The following TTN variants were observed in gnomAD, a reference collection of about 807,000 sequenced individuals.
TTN encodes connectin.
In TTN, 1,525 loss-of-function variants were observed where a neutral mutation model predicts 3,223.0. That is an observed-to-expected ratio of 0.47 (90% CI 0.45 to 0.49). TTN has a LOEUF of 0.49. Ranked by LOEUF, TTN falls within the 20% of genes least tolerant of loss-of-function variation. The pLI is 0.00. For synonymous variants in TTN, 14,094 were observed against 15,161.0 expected (o/e 0.93, Z 5.17); for missense variants, 40,786 against 43,424.0 (o/e 0.94, Z 5.40).
chr2:178,641,476 T>C, intron 219 of TTN, 161 bp from the exon 220 acceptor site: 1 of 458,774 alleles, frequency 2.2e-6, no homozygotes. Flanking sequence ...GTTTTTTGTT[T>C]TGTTTTTTTT....
At position 178,807,382 on chromosome 2, in the gene TTN, A is replaced by G. The variant is rs2094357426; in HGVS notation, c.-184T>C. 6.6e-6 allele frequency: 1 copy of G among 152,054 alleles called. No individual in the cohort carries two copies. Among genetic ancestry groups the G allele is most frequent in the Admixed American group, 6.6e-5 (1 of 15,266 alleles). The allele number at this position is 152,054 out of a possible 1,614,324, so 9.4% of individuals were successfully genotyped here. On this transcript the variant is annotated 5_prime_UTR_variant, in exon 1 of 363. Coordinates refer to ENST00000589042, the MANE Select transcript of TTN (RefSeq NM_001267550.2). ...ACTGTGTAGTTTTGCTTTTCTATGCAATCCCTACACCCGAGGCGAGGCTGG... is the reference window on the plus strand; with the variant it reads ...ACTGTGTAGTTTTGCTTTTCTATGCGATCCCTACACCCGAGGCGAGGCTGG...
In TTN at chr2:178,614,722, G is replaced by A. The variant is rs971367443; in HGVS notation, c.48792C>T (p.Leu16264=). 10 of 1,610,402 alleles carry A rather than the reference G, an allele frequency of 6.2e-6. No homozygotes were observed. In the East Asian group the frequency reaches 2.0e-4, roughly 33 times the overall value. Residue 16264 remains leucine, a synonymous_variant, in exon 261 of 363, where the codon CTC becomes CTT. Transcript: ENST00000589042. ...CAGCTTTTACAGTGAGACCAGCAAG[G>A]AGCTTCACATCGAGGAAGATTTCTG... ...EAPEIFLDVK[L]LAGLTVKAGT... is the part of the protein sequence containing the mutation.
chr2:178,746,147 A>G, intron 47 of TTN: 2 of 1,613,366 alleles, frequency 1.2e-6, no homozygotes, highest in South Asian at 2.2e-5. Context: ...CTCAATACAC[A>G]TATATTCTTT....
In TTN at chr2:178,553,371, C is replaced by A. The variant is rs893059706; in HGVS notation, c.89529G>T (p.Val29843=). The change falls in exon 335 of 363, where the codon GTG becomes GTT. Residue 29843 remains valine, a synonymous_variant. Coordinates refer to ENST00000589042, the MANE Select transcript of TTN (RefSeq NM_001267550.2). Reference sequence around the variant, plus strand: ...TGGCAATAACAGAAGTTCTGAGAGCCACATCCAGGTCAATCTCTGGTGCCT... The same window carrying A: ...TGGCAATAACAGAAGTTCTGAGAGCAACATCCAGGTCAATCTCTGGTGCCT... ...ILEAPEIDLD[V]ALRTSVIAKA... is the part of the protein sequence containing the mutation. 3 of 1,597,294 alleles carry A rather than the reference C, an allele frequency of 1.9e-6. No individual in the cohort carries two copies. Among genetic ancestry groups the A allele is most frequent in the Non-Finnish European group, 2.6e-6 (3 of 1,172,934 alleles).
chr2:178,701,540 C>T lies in TTN; in HGVS notation c.30586G>A (p.Val10196Met). ...VPIPTMPIRA[V>M]PPEEIPPVVA... is the part of the protein sequence containing the mutation. ...TTCTGGGTCTTACCTTCTGGTGGCA[C>T]TGCTCTGATAGGCATGGTTGGGATT... The change falls in exon 110 of 363, where the codon GTG becomes ATG. Residue 10196 changes from valine to methionine, a missense_variant. By Grantham distance (21) the Val-to-Met change is conservative. Transcript: ENST00000589042. 6.2e-7 allele frequency: 1 copy of T among 1,613,386 alleles called. No homozygotes were observed. Among genetic ancestry groups the T allele is most frequent in the East Asian group, 2.2e-5 (1 of 44,852 alleles).
intron 47 of TTN, chr2:178,746,057 C>G: frequency 6.2e-7 from 1 of 1,613,478 alleles, no homozygotes. Context: ...GTATGTTGCA[C>G]TATCAGAAAG....
rs761335047 is a variant in TTN, at chr2:178,608,154, C to A, written c.52705+24G>T. 9.4e-6 allele frequency: 15 copies of A among 1,600,620 alleles called. No homozygotes were observed. In the African/African-American group the frequency reaches 1.9e-4, roughly 20 times the overall value. ...ATGTACAATAGCTTGTTCTACTCCA[C>A]CTTCTTCTTAAGGAACTACTTACAG... is the stretch of plus-strand genomic sequence containing the variant. On this transcript the variant is annotated intron_variant, in intron 275 of 362. Coordinates refer to ENST00000589042, the MANE Select transcript of TTN (RefSeq NM_001267550.2).
chr2:178,559,092 A>G, intron 326 of TTN: 1 of 403,708 alleles, frequency 2.5e-6, no homozygotes, highest in East Asian at 4.4e-5. Context: ...TAAATTCAAC[A>G]TATATTATCC....
In TTN at chr2:178,599,003, C is replaced by G; in HGVS notation, c.56707G>C (p.Val18903Leu). The G allele has an allele frequency of 1.2e-6, 2 of 1,610,044 alleles. No homozygotes were observed. The highest frequency in any genetic ancestry group is 2.2e-5 in the East Asian group (1 of 44,514). The change falls in exon 291 of 363, where the codon GTC (valine) becomes CTC (leucine). Residue 18903 changes from valine to leucine, a missense_variant. Val to Leu is a conservative substitution (Grantham distance 32). Coordinates refer to ENST00000589042, the MANE Select transcript of TTN (RefSeq NM_001267550.2). ...TCATATTCTGGCTCTTCCCAGTTGACAGTCATGGAGTTACGAGTCACGCTG... is the reference window on the plus strand; with the variant it reads ...TCATATTCTGGCTCTTCCCAGTTGAGAGTCATGGAGTTACGAGTCACGCTG... ...VSSVTRNSMT[V>L]NWEEPEYDGG...
chr2:178,546,406 T>C lies in TTN; in HGVS notation c.94925A>G (p.Lys31642Arg). 1.2e-6 allele frequency: 2 copies of C among 1,613,740 alleles called. No homozygotes were observed. The highest frequency in any genetic ancestry group is 1.1e-5 in the South Asian group (1 of 91,074). ...DLVLDAAVGG[K>R]PEPKIIWTKG... Reference sequence around the variant, plus strand: ...GGTCCAGATAATTTTGGGTTCAGGTTTGCCACCAACTGCAGCATCCAGAAC... The same window carrying C: ...GGTCCAGATAATTTTGGGTTCAGGTCTGCCACCAACTGCAGCATCCAGAAC... The change falls in exon 342 of 363, where the codon AAA (lysine) becomes AGA (arginine). Residue 31642 changes from lysine (K) to arginine (R), a missense_variant. Lys to Arg is a conservative substitution (Grantham distance 26). Coordinates refer to ENST00000589042, the MANE Select transcript of TTN (RefSeq NM_001267550.2).
Position 178,543,971 on chromosome 2 carries a change from C to T in TTN, c.96173G>A (p.Arg32058Gln), listed in dbSNP as rs374063064. ...GCTCTCAGTGGTGTCAATAATTGCC[C>T]GGCTTGCAAGGTCAATGCCCTGCTT... is the stretch of plus-strand genomic sequence containing the variant. Reference protein sequence around the residue: ...WSKQGIDLASRAIIDTTESYS... With the variant: ...WSKQGIDLASQAIIDTTESYS... Residue 32058 changes from arginine to glutamine, a missense_variant, in exon 346 of 363, where the codon CGG becomes CAG. Physicochemically the swap from Arg to Gln is conservative, Grantham distance 43 (BLOSUM62 1). Transcript: ENST00000589042. The T allele has an allele frequency of 1.7e-4, 277 of 1,613,530 alleles. No individual in the cohort carries two copies. Among genetic ancestry groups the T allele is most frequent in the Non-Finnish European group, 2.1e-4 (247 of 1,179,718 alleles).
rs1258234358 is a variant in TTN at position 178,779,232 on chromosome 2, T to C, written c.3960A>G (p.Pro1320=). 4 of 1,613,524 alleles carry C rather than the reference T, an allele frequency of 2.5e-6. No homozygotes were observed. The highest frequency in any genetic ancestry group is 3.4e-6 in the Non-Finnish European group (4 of 1,179,800). The change falls in exon 23 of 363, where the codon CCA becomes CCG. Residue 1320 remains proline, a synonymous_variant. Coordinates refer to ENST00000589042, the MANE Select transcript of TTN (RefSeq NM_001267550.2). ...ATGATAAATGTTTATATTTTACCTT[T>C]GGTAATGGATATCCAGACATCTTGC... is the stretch of plus-strand genomic sequence containing the variant. ...FHCKMSGYPL[P]KIAWYKDGKR...
In TTN at chr2:178,527,235, C is replaced by T. The variant is rs193212275; in HGVS notation, c.107753G>A (p.Cys35918Tyr). 82 of 1,613,800 alleles carry T rather than the reference C, an allele frequency of 5.1e-5. No individual in the cohort carries two copies. In the African/African-American group the frequency reaches 9.9e-4, roughly 19 times the overall value. ...TGGGGTAGGCTCACCCGTGAAAGCA[C>T]AGGCTACTGTTAGAACTTTGCCTTC... The part of the protein sequence containing the change: ...IDEGKVLTVA[C>Y]AFTGEPTPEV... Residue 35918 changes from cysteine to tyrosine, a missense_variant, in exon 363 of 363, where the codon TGT (cysteine) becomes TAT (tyrosine). By Grantham distance (194) the Cys-to-Tyr change is radical. Transcript: ENST00000589042.
chr2:178,726,923 CA>C, intron 69 of TTN, 166 bp downstream of exon 69: 2 of 648,440 alleles, frequency 3.1e-6, no homozygotes, highest in Non-Finnish European at 4.4e-6. Context: ...TACATGTAAG[CA>C]AAATTCAAGA....
chr2:178,677,353 T>TAC, intron 146 of TTN, 66 bp from the exon 147 acceptor site: 1 of 484,984 alleles, frequency 2.1e-6, no homozygotes, highest in Non-Finnish European at 2.8e-6. Context: ...TATATATATA[T>TAC]ATATATATGA....
In TTN at chr2:178,706,583, G is replaced by A; in HGVS notation, c.29291C>T (p.Thr9764Ile). The change falls in exon 102 of 363, where the codon ACT becomes ATT. Residue 9764 changes from threonine (T) to isoleucine (I), a missense_variant. Thr to Ile is a moderately conservative substitution (Grantham distance 89, BLOSUM62 -1). Transcript: ENST00000589042. ...AKLEIRDTTK[T>I]DSGLYRCVAF... ...CACGCATCGGTATAACCCAGAATCA[G>A]TTTTTGTGGTGTCCCTAATCTCCAG... 2 of 1,613,872 alleles carry A rather than the reference G, an allele frequency of 1.2e-6. No homozygotes were observed. The highest frequency in any genetic ancestry group is 1.7e-6 in the Non-Finnish European group (2 of 1,179,818).
Position 178,536,485 on chromosome 2 carries a change from C to A in TTN, c.100262G>T (p.Gly33421Val). The A allele has an allele frequency of 6.3e-6, 10 of 1,577,372 alleles. No homozygotes were observed. The highest frequency in any genetic ancestry group is 8.6e-6 in the Non-Finnish European group (10 of 1,161,514). ...VAWKPPASDG[G>V]AKIRNYYLEK... ...AAGGTAGTAATTTCTAATCTTTGCA[C>A]CTCCATCACTGGCAGGTGGCTTCCA... The change falls in exon 357 of 363, where the codon GGT becomes GTT. Residue 33421 changes from glycine to valine, a missense_variant. Coordinates refer to ENST00000589042, the MANE Select transcript of TTN (RefSeq NM_001267550.2).
At chr2:178,774,788 T>C in intron 29 of TTN, 133 bp downstream of exon 29, 1 of 1,050,408 alleles carries the variant, frequency 9.5e-7, no homozygotes, top group Non-Finnish European at 1.4e-6. Flanking sequence ...AAATTTATGA[T>C]TCTGGCTATG....
At position 178,590,472 on chromosome 2, in the gene TTN, C is replaced by A; in HGVS notation, c.61253G>T (p.Trp20418Leu). Residue 20418 changes from tryptophan (W) to leucine (L), a missense_variant, in exon 304 of 363, where the codon TGG becomes TTG. Coordinates refer to ENST00000589042, the MANE Select transcript of TTN (RefSeq NM_001267550.2). ...VECQKPGTAQ[W>L]NRINKDELIR... ...GAGTTCATCTTTATTAATCCTGTTC[C>A]ATTGTGCTGTGCCAGGTTTCTGACA... 6.2e-7 allele frequency: 1 copy of A among 1,613,140 alleles called. No homozygotes were observed.
Sources: allele counts gnomAD v4.1 joint callset, GRCh38; gene constraint gnomAD v4.1.1; transcripts MANE v1.5; gene names NCBI Gene and HGNC (gene_info 2026-07-23, HGNC 2026-07-21).